Variants in KCNN3 observed in about 807,000 individuals in gnomAD.
KCNN3 encodes small conductance calcium-activated potassium channel protein 3.
KCNN3 carries 16 observed loss-of-function variants against 62.9 expected under a neutral mutation model. The ratio of observed to expected loss-of-function variants is 0.25; its 90% CI spans 0.17 to 0.39. The LOEUF (loss-of-function observed/expected upper bound fraction) is 0.39, where lower values mean the gene tolerates loss of function less well. Ranked by LOEUF, KCNN3 falls within the 10% of genes least tolerant of loss-of-function variation. The pLI is 1.00. For missense variants in KCNN3, 599 were observed against 949.4 expected, an observed-to-expected ratio of 0.63 and a Z score of 4.85; for synonymous variants, 370 against 389.2, an observed-to-expected ratio of 0.95 and a Z score of 0.58.
At chr1:154,712,226 C>T (rs1287967016) in intron 7 of KCNN3, among the ~76,000 whole-genome samples, 1 of 152,148 alleles carries the variant, frequency 6.6e-6, no homozygotes, top group Admixed American at 6.5e-5. Flanking sequence ...TCCCTTATAT[C>T]CTTAGAATAG....
chr1:154,722,783 G>C (rs1205118365), intron 5 of KCNN3, among the ~76,000 whole-genome samples: 5 of 150,646 alleles, frequency 3.3e-5, no homozygotes, highest in Non-Finnish European at 7.4e-5. Flanking sequence ...CCAGGCTGGA[G>C]TGCAGTGGTG....
chr1:154,814,686 G>T (rs772213014), intron 2 of KCNN3, among the ~76,000 whole-genome samples: 2 of 152,184 alleles, frequency 1.3e-5, no homozygotes, highest in South Asian at 2.1e-4. Context: ...TCTCTGAGGC[G>T]CTTGCTAATG....
At chr1:154,821,620 G>A (rs1447884091) in intron 2 of KCNN3, among the ~76,000 whole-genome samples, 4 of 152,218 alleles carry the variant, frequency 2.6e-5, no homozygotes, top group Non-Finnish European at 2.9e-5. Flanking sequence ...CAAGGGTGAA[G>A]ACCACACCAT....
chr1:154,868,075 G>A (rs1653022603), intron 1 of KCNN3: 9 of 985,408 alleles, frequency 9.1e-6, no homozygotes, highest in Non-Finnish European at 9.6e-6. Context: ...ATCCGGGCGC[G>A]CACTCACACA....
intron 2 of KCNN3, among the ~76,000 whole-genome samples, chr1:154,788,095 A>ACAGGGATGGATGGG (rs2101858802): frequency 6.6e-6 from 1 of 152,310 alleles, no homozygotes; most frequent in East Asian, 1.9e-4. Flanking sequence ...CCTGAAGGAA[A>ACAGGGATGGATGGG]CAGGGATGGA....
intron 5 of KCNN3, among the ~76,000 whole-genome samples, chr1:154,724,438 T>C (rs1423639381): frequency 6.6e-6 from 1 of 152,228 alleles, no homozygotes; most frequent in Non-Finnish European, 1.5e-5. Flanking sequence ...TGAAAAAGAC[T>C]ATGGAGGCCG....
At chr1:154,737,224 C>T in intron 3 of KCNN3, 1 of 522,320 alleles carries the variant, frequency 1.9e-6, no homozygotes, top group South Asian at 2.7e-5. Flanking sequence ...GGGGATAGCT[C>T]CATGTTTTTC....
In KCNN3 at chr1:154,700,217, G is replaced by A. The variant is rs1699825212; in HGVS notation, c.*7759C>T. The A allele has an allele frequency of 1.3e-5, 2 of 152,172 alleles. No homozygotes were observed. Among genetic ancestry groups the A allele is most frequent in the South Asian group, 4.1e-4 (2 of 4,820 alleles). 9.4% of individuals were successfully genotyped at this position (152,172 alleles called of 1,614,324 possible). A position where few individuals can be genotyped will look rare whatever the true frequency, so the allele number is the denominator to read the frequency against. ...TTTCTGGTGCATACAGGTCACCTGGGGATTTGTTAAAAGGCCAATTCTGAT... is the reference window on the plus strand; with the variant it reads ...TTTCTGGTGCATACAGGTCACCTGGAGATTTGTTAAAAGGCCAATTCTGAT... On this transcript the variant is annotated 3_prime_UTR_variant, in exon 8 of 8. Coordinates refer to ENST00000271915, the MANE Select transcript of KCNN3 (RefSeq NM_002249.6).
chr1:154,778,292 A>T (rs1338147465), intron 2 of KCNN3, among the ~76,000 whole-genome samples: 1 of 152,212 alleles, frequency 6.6e-6, no homozygotes, highest in East Asian at 1.9e-4. Context: ...AGTTCAATAT[A>T]ATAATTATTA....
At chr1:154,714,193 G>GT (rs1557937982) in intron 6 of KCNN3, among the ~76,000 whole-genome samples, 1 of 116,582 alleles carries the variant, frequency 8.6e-6, no homozygotes, top group African/African-American at 3.4e-5. Flanking sequence ...GTGTGTGTGT[G>GT]GTGTGTGTGT....
At chr1:154,852,389 T>TTA (rs1558007650) in intron 1 of KCNN3, among the ~76,000 whole-genome samples, 1 of 145,526 alleles carries the variant, frequency 6.9e-6, no homozygotes, top group Non-Finnish European at 1.5e-5. Flanking sequence ...TTTTTTTTTT[T>TTA]AGAGAGATAG....
intron 1 of KCNN3, among the ~76,000 whole-genome samples, chr1:154,844,957 A>G (rs989948309): frequency 6.6e-6 from 1 of 151,994 alleles, no homozygotes; most frequent in Non-Finnish European, 1.5e-5. Flanking sequence ...AGTGAACTGA[A>G]ATTGTGCCAC....
In KCNN3 at chr1:154,704,417, A is replaced by C. The variant is rs186228734; in HGVS notation, c.*3559T>G. The C allele has an allele frequency of 2.6e-5, 4 of 152,342 alleles. No homozygotes were observed. Among genetic ancestry groups the C allele is most frequent in the Admixed American group, 2.6e-4 (4 of 15,296 alleles). The allele number at this position is 152,342 out of a possible 1,614,324, so 9.4% of individuals were successfully genotyped here. A position where few individuals can be genotyped will look rare whatever the true frequency, so the allele number is the denominator to read the frequency against. Reference sequence around the variant, plus strand: ...CTTTGATCCAAAGGTGAAGACTTTTATTTGGACTTCAATCTAAGGAGGAGT... The same window carrying C: ...CTTTGATCCAAAGGTGAAGACTTTTCTTTGGACTTCAATCTAAGGAGGAGT... On this transcript the variant is annotated 3_prime_UTR_variant, in exon 8 of 8. Coordinates refer to ENST00000271915, the MANE Select transcript of KCNN3 (RefSeq NM_002249.6).
At chr1:154,729,750 G>C (rs1433561870) in intron 4 of KCNN3, among the ~76,000 whole-genome samples, 1 of 152,210 alleles carries the variant, frequency 6.6e-6, no homozygotes, top group African/African-American at 2.4e-5. Context: ...TTCGGGAGAA[G>C]CTCATCTTCT....
Position 154,753,683 on chromosome 1 carries a change from C to T in KCNN3, c.1448+18292G>A, listed in dbSNP as rs375231983. ...CACGAAATAGGGACCGTGGGTTCCC[C>T]GTCCTGCCTGCTCACTTCATAGGGT... is the stretch of plus-strand genomic sequence containing the variant. On this transcript the variant is annotated intron_variant, in intron 3 of 7. Coordinates refer to ENST00000271915, the MANE Select transcript of KCNN3 (RefSeq NM_002249.6). 1.7e-4 allele frequency among the ~76,000 whole-genome samples: 26 copies of T among 152,318 alleles called. No individual in the cohort carries two copies. The South Asian group carries it at 3.7e-3, about 22-fold the overall frequency.
intron 3 of KCNN3, among the ~76,000 whole-genome samples, chr1:154,767,584 C>A (rs1480683738): frequency 6.6e-6 from 1 of 152,234 alleles, no homozygotes; most frequent in Non-Finnish European, 1.5e-5. Context: ...CAACCTGCTG[C>A]CGCAGTGAGG....
intron 2 of KCNN3, among the ~76,000 whole-genome samples, chr1:154,811,178 G>A (rs1179260695): frequency 2.0e-5 from 3 of 152,180 alleles, no homozygotes; most frequent in East Asian, 1.9e-4. Flanking sequence ...GGCCCGTGAC[G>A]TTAGGGCGAT....
At chr1:154,742,692 C>A (rs1441143995) in intron 3 of KCNN3, among the ~76,000 whole-genome samples, 2 of 152,238 alleles carry the variant, frequency 1.3e-5, no homozygotes, top group Non-Finnish European at 2.9e-5. Flanking sequence ...GGACTCAGGG[C>A]CTGCTGCTTC....
At chr1:154,810,314 T>A (rs1007428730) in intron 2 of KCNN3, among the ~76,000 whole-genome samples, 1 of 152,084 alleles carries the variant, frequency 6.6e-6, no homozygotes, top group African/African-American at 2.4e-5. Flanking sequence ...GCAGGTCTGA[T>A]CCTGAGGGCC....
Sources: allele counts gnomAD v4.1 joint callset (sites outside exome capture counted in the v4.1 genomes callset), GRCh38; gene constraint gnomAD v4.1.1; transcripts MANE v1.5; gene names NCBI Gene and HGNC (gene_info 2026-07-23, HGNC 2026-07-21).